Variants in COLEC12 observed in about 807,000 individuals in gnomAD.
The protein encoded by COLEC12 is collectin-12.
In COLEC12, 33 loss-of-function variants were observed where a neutral mutation model predicts 71.1. The observed-to-expected ratio is 0.46, with a 90% CI of 0.35 to 0.62. COLEC12 has a LOEUF of 0.62. Ranked by LOEUF, COLEC12 falls within the 20% of genes least tolerant of loss-of-function variation. The probability of loss-of-function intolerance (pLI) is 0.00; values close to 1 mark genes in which losing one functional copy is unlikely to be tolerated. For synonymous variants in COLEC12, 350 were observed against 353.0 expected, an observed-to-expected ratio of 0.99 and a Z score of 0.10; for missense variants, 765 against 916.1, an observed-to-expected ratio of 0.84 and a Z score of 2.13.
intron 1 of COLEC12, among the ~76,000 whole-genome samples, chr18:498,721 AGTCCGTC>A (rs1917761093): frequency 6.6e-6 from 1 of 152,108 alleles, no homozygotes; most frequent in African/African-American, 2.4e-5. Flanking sequence ...GGGATTCACC[AGTCCGTC>A]CCTCCATCAA....
At chr18:386,183 T>C (rs1915342258) in intron 2 of COLEC12, among the ~76,000 whole-genome samples, 1 of 152,196 alleles carries the variant, frequency 6.6e-6, no homozygotes, top group Non-Finnish European at 1.5e-5. Context: ...CTTCCTGAGC[T>C]ACAAACTTCC....
At chr18:373,800 T>C (rs1186281260) in intron 2 of COLEC12, among the ~76,000 whole-genome samples, 1 of 152,066 alleles carries the variant, frequency 6.6e-6, no homozygotes, top group East Asian at 1.9e-4. Flanking sequence ...ACAGATATAC[T>C]TGGTGCACAC....
chr18:481,991 T>C (rs550728630), intron 1 of COLEC12, among the ~76,000 whole-genome samples: 2 of 152,226 alleles, frequency 1.3e-5, no homozygotes, highest in South Asian at 2.1e-4. Context: ...TTGTGGGGGT[T>C]TGGTGGACAG....
At chr18:357,335 T>G in intron 3 of COLEC12, 65 bp downstream of exon 3, 1 of 1,488,960 alleles carries the variant, frequency 6.7e-7, no homozygotes, top group Non-Finnish European at 9.1e-7. Context: ...AATATGAGTT[T>G]TCTCATGCTT....
rs1156718677 is a variant in COLEC12, at chr18:326,568, C to T, written c.2064-4761G>A. On this transcript the variant is annotated intron_variant, in intron 8 of 9. Transcript: ENST00000400256. ...TTCACCATGTCGGCCTGGATGGTCTCGAACTCTTGGCCTCAGGTGATCCAC... is the reference window on the plus strand; with the variant it reads ...TTCACCATGTCGGCCTGGATGGTCTTGAACTCTTGGCCTCAGGTGATCCAC... Among the ~76,000 whole-genome samples, 6 of 152,152 alleles carry T rather than the reference C, an allele frequency of 3.9e-5. No homozygotes were observed. In the South Asian group the frequency reaches 8.3e-4, roughly 21 times the overall value.
At chr18:430,163 C>G (rs1270004600) in intron 2 of COLEC12, among the ~76,000 whole-genome samples, 1 of 152,048 alleles carries the variant, frequency 6.6e-6, no homozygotes, top group African/African-American at 2.4e-5. Flanking sequence ...CATGGTGAAA[C>G]CCTGTCCCTA....
At chr18:470,879 A>T (rs1917183011) in intron 2 of COLEC12, among the ~76,000 whole-genome samples, 1 of 152,268 alleles carries the variant, frequency 6.6e-6, no homozygotes, top group South Asian at 2.1e-4. Context: ...ACATGTCAGC[A>T]ATAATTTTAC....
intron 5 of COLEC12, among the ~76,000 whole-genome samples, chr18:341,988 G>A (rs1173533717): frequency 3.3e-5 from 5 of 152,230 alleles, no homozygotes; most frequent in East Asian, 1.9e-4. Context: ...AAGCATGTGT[G>A]AGAAGTCTTC....
intron 2 of COLEC12, among the ~76,000 whole-genome samples, chr18:359,327 G>A (rs988024312): frequency 6.6e-6 from 1 of 152,186 alleles, no homozygotes; most frequent in South Asian, 2.1e-4. Flanking sequence ...CTAGTTTACC[G>A]GCATGCCACT....
intron 1 of COLEC12, among the ~76,000 whole-genome samples, chr18:481,094 G>C (rs535932047): frequency 6.6e-6 from 1 of 152,158 alleles, no homozygotes; most frequent in Non-Finnish European, 1.5e-5. Context: ...ACATGTGTGC[G>C]TGAATTTACT....
chr18:360,444 G>T (rs1462237878), intron 2 of COLEC12, among the ~76,000 whole-genome samples: 1 of 152,130 alleles, frequency 6.6e-6, no homozygotes, highest in Non-Finnish European at 1.5e-5. Flanking sequence ...CGCCGCCTCA[G>T]CCTCCCAAAG....
intron 1 of COLEC12, among the ~76,000 whole-genome samples, chr18:498,506 C>A (rs1917757010): frequency 6.6e-6 from 1 of 151,786 alleles, no homozygotes; most frequent in Admixed American, 6.6e-5. Context: ...ATTACAGGTG[C>A]CTGCCACCAC....
chr18:480,786 A>ATCC lies in COLEC12; in HGVS notation c.8-32_8-30dup, dbSNP rs1240477610. On this transcript the variant is annotated intron_variant, in intron 1 of 9. Coordinates refer to ENST00000400256, the MANE Select transcript of COLEC12 (RefSeq NM_130386.3). The surrounding 1 kb of genome is among the most constrained non-coding windows in gnomAD (Gnocchi z 4.1). ...TGAGAGAAGAAGAGACACGATGTTA[A>ATCC]TCCTGGCAAGGGGCACAGAAGCAGA... The ATCC allele has an allele frequency of 6.2e-7, 1 of 1,608,126 alleles. No individual in the cohort carries two copies. The highest frequency in any genetic ancestry group is 1.7e-5 in the Admixed American group (1 of 60,012).
chr18:456,080 TG>T (rs2143723998), intron 2 of COLEC12, among the ~76,000 whole-genome samples: 1 of 152,304 alleles, frequency 6.6e-6, no homozygotes, highest in African/African-American at 2.4e-5. Context: ...GGAGGCTGGC[TG>T]GTTTAAGAGG....
chr18:500,425 G>T lies in COLEC12; in HGVS notation c.7+83C>A. 1.0e-6 allele frequency: 1 copy of T among 985,432 alleles called. No homozygotes were observed. The highest frequency in any genetic ancestry group is 1.3e-6 in the Non-Finnish European group (1 of 770,248). The allele number at this position is 985,432 out of a possible 1,614,324, so 61.0% of individuals were successfully genotyped here. A position where few individuals can be genotyped will look rare whatever the true frequency, so the allele number is the denominator to read the frequency against. On this transcript the variant is annotated intron_variant, in intron 1 of 9. Transcript: ENST00000400256. The surrounding 1 kb of genome is among the most constrained non-coding windows in gnomAD (Gnocchi z 5.3). ...GCCCGCAGCCCAAGGGAAGGTTCGC[G>T]CGGGAGGCACCTCCGTGGCCTCCCG...
intron 2 of COLEC12, among the ~76,000 whole-genome samples, chr18:369,398 T>C (rs1482570713): frequency 7.6e-6 from 1 of 131,562 alleles, no homozygotes; most frequent in Non-Finnish European, 1.6e-5. Context: ...TTTTTTTTTA[T>C]TTTTTTTTAT....
intron 2 of COLEC12, among the ~76,000 whole-genome samples, chr18:479,253 C>A (rs778042765): frequency 6.6e-6 from 1 of 152,060 alleles, no homozygotes; most frequent in Admixed American, 6.6e-5. Context: ...AACATGGAAT[C>A]GTGTAGATGG....
At position 480,724 on chromosome 18, in the gene COLEC12, A is replaced by C. The variant is rs747269920; in HGVS notation, c.41T>G (p.Phe14Cys). The change falls in exon 2 of 10, where the codon TTC becomes TGC. Residue 14 changes from phenylalanine to cysteine, a missense_variant. Coordinates refer to ENST00000400256, the MANE Select transcript of COLEC12 (RefSeq NM_130386.3). The surrounding 1 kb of genome is among the most constrained non-coding windows in gnomAD (Gnocchi z 4.1). ...DFAEEEEVQS[F>C]GYKRFGIQEG... Reference sequence around the variant, plus strand: ...GGACTCACCAAACCGCTTGTAACCGAAGGATTGCACCTCCTCCTCCTCTGC... The same window carrying C: ...GGACTCACCAAACCGCTTGTAACCGCAGGATTGCACCTCCTCCTCCTCTGC... 1.2e-6 allele frequency: 2 copies of C among 1,613,982 alleles called. No individual in the cohort carries two copies. The highest frequency in any genetic ancestry group is 1.3e-5 in the African/African-American group (1 of 74,902).
chr18:440,929 G>A (rs780286805), intron 2 of COLEC12, among the ~76,000 whole-genome samples: 1 of 152,084 alleles, frequency 6.6e-6, no homozygotes, highest in Non-Finnish European at 1.5e-5. Flanking sequence ...ATATAAATAG[G>A]CTCCCTACAG....
Sources: allele counts gnomAD v4.1 joint callset (sites outside exome capture counted in the v4.1 genomes callset), GRCh38; gene constraint gnomAD v4.1.1; non-coding constraint Gnocchi (gnomAD v3.1); transcripts MANE v1.5; gene names NCBI Gene and HGNC (gene_info 2026-07-23, HGNC 2026-07-21).